The following CHIA variants were observed in gnomAD, a reference collection of about 807,000 sequenced individuals.
CHIA encodes the protein chitinase acidic.
In CHIA, 47 loss-of-function variants were observed where a neutral mutation model predicts 53.5. The ratio of observed to expected loss-of-function variants is 0.88; its 90% confidence interval spans 0.70 to 1.12. The LOEUF (loss-of-function observed/expected upper bound fraction) is 1.12, where lower values mean the gene tolerates loss of function less well. Ranked by LOEUF, CHIA falls within the 50% of genes most tolerant of loss-of-function variation. The pLI is 0.00. For synonymous variants in CHIA, 268 were observed against 222.2 expected, an observed-to-expected ratio of 1.21 and a Z score of -1.83; for missense variants, 652 against 592.2, an observed-to-expected ratio of 1.10 and a Z score of -1.05.
chr1:111,318,246 T>C, intron 8 of CHIA, 137 bp downstream of exon 8: 1 of 1,013,094 alleles, frequency 9.9e-7, no homozygotes, highest in Non-Finnish European at 1.4e-6. Context: ...TTAAATATTC[T>C]CATTTAATTT....
At chr1:111,302,034 C>A (rs1294107225) in intron 1 of CHIA, among the ~76,000 whole-genome samples, 1 of 151,930 alleles carries the variant, frequency 6.6e-6, no homozygotes, top group Non-Finnish European at 1.5e-5. Context: ...GCACATGTAC[C>A]CTAGAACTTA....
intron 6 of CHIA, chr1:111,316,684 G>A (rs540028642): frequency 1.3e-5 from 2 of 152,296 alleles, no homozygotes; most frequent in African/African-American, 4.8e-5. Context: ...GTAGGCATCA[G>A]ATAAATATCA....
At chr1:111,296,642 T>C (rs1661356803) in intron 1 of CHIA, among the ~76,000 whole-genome samples, 1 of 152,144 alleles carries the variant, frequency 6.6e-6, no homozygotes, top group African/African-American at 2.4e-5. Context: ...AGCTGAAAAT[T>C]CTAAAATCCA....
intron 1 of CHIA, among the ~76,000 whole-genome samples, chr1:111,303,633 C>T (rs944345859): frequency 2.6e-5 from 4 of 152,126 alleles, no homozygotes; most frequent in African/African-American, 9.7e-5. Flanking sequence ...TGCTCTTTTA[C>T]AGCCCCATTC....
intron 1 of CHIA, among the ~76,000 whole-genome samples, chr1:111,291,584 G>A (rs546396672): frequency 2.6e-5 from 4 of 151,984 alleles, no homozygotes; most frequent in South Asian, 2.1e-4. Context: ...CCTAGATGAC[G>A]GGTTGATAGG....
chr1:111,293,994 A>G (rs557240180), intron 1 of CHIA, among the ~76,000 whole-genome samples: 2 of 152,276 alleles, frequency 1.3e-5, no homozygotes, highest in Non-Finnish European at 2.9e-5. Flanking sequence ...AGGTGGGAGG[A>G]TTGCTCGAGC....
Position 111,293,568 on chromosome 1 carries a change from T to C in CHIA, c.-69+2618T>C, listed in dbSNP as rs185756894. 6.0e-4 allele frequency among the ~76,000 whole-genome samples: 92 copies of C among 152,354 alleles called. 1 individual carries two copies. Among genetic ancestry groups the C allele is most frequent in the Admixed American group, 2.7e-3 (42 of 15,302 alleles). On this transcript the variant is annotated intron_variant, in intron 1 of 11. Transcript: ENST00000369740. ...TTACTCTGTTTGCATTGTCTTTTGA[T>C]ATACAAACATTTAAAATATTCATGA...
At chr1:111,317,952 T>A in intron 7 of CHIA, 34 bp from the exon 8 acceptor site, 1 of 1,613,754 alleles carries the variant, frequency 6.2e-7, no homozygotes, top group Non-Finnish European at 8.5e-7. Flanking sequence ...GAAATGACCA[T>A]CAGAATGATT....
intron 1 of CHIA, among the ~76,000 whole-genome samples, chr1:111,292,722 C>T (rs933987089): frequency 3.3e-5 from 5 of 152,082 alleles, no homozygotes; most frequent in African/African-American, 1.2e-4. Flanking sequence ...CAGCTCTATA[C>T]TCATTAACCT....
At chr1:111,313,732 CT>C (rs1185870953) in intron 4 of CHIA, among the ~76,000 whole-genome samples, 1 of 151,642 alleles carries the variant, frequency 6.6e-6, no homozygotes, top group African/African-American at 2.4e-5. Context: ...GCTCTTGGAG[CT>C]TTTTTTTAAG....
intron 1 of CHIA, among the ~76,000 whole-genome samples, chr1:111,301,934 C>T (rs12755026): frequency 0.28 from 42,325 of 151,900 alleles, 6,190 homozygotes; most frequent in East Asian, 0.36. Flanking sequence ...GGGATAGCAT[C>T]AGGAGAAATA....
intron 1 of CHIA, among the ~76,000 whole-genome samples, chr1:111,308,144 G>A (rs569294840): frequency 2.0e-5 from 3 of 152,186 alleles, no homozygotes; most frequent in African/African-American, 2.4e-5. Flanking sequence ...AGTTTGCTGG[G>A]GCTCTTAAGG....
intron 1 of CHIA, among the ~76,000 whole-genome samples, chr1:111,293,885 G>A (rs771487678): frequency 6.6e-6 from 1 of 152,134 alleles, no homozygotes; most frequent in Non-Finnish European, 1.5e-5. Flanking sequence ...TTTGAGACCA[G>A]CTTGGGCAAC....
intron 1 of CHIA, among the ~76,000 whole-genome samples, chr1:111,303,402 C>T (rs529485888): frequency 2.2e-4 from 34 of 152,032 alleles, no homozygotes; most frequent in South Asian, 1.0e-3. Context: ...ATTTCTTTCT[C>T]GTTTCCTTAT....
intron 1 of CHIA, among the ~76,000 whole-genome samples, chr1:111,296,364 C>T (rs1465386598): frequency 6.6e-6 from 1 of 152,184 alleles, no homozygotes; most frequent in African/African-American, 2.4e-5. Context: ...AAGGATCAGG[C>T]AGCAATATTT....
chr1:111,293,722 C>G (rs1661167746), intron 1 of CHIA, among the ~76,000 whole-genome samples: 2 of 152,188 alleles, frequency 1.3e-5, no homozygotes, highest in African/African-American at 4.8e-5. Context: ...ACTTTTACAT[C>G]TTACATTTAG....
At chr1:111,310,754 G>T (rs12131907) in intron 2 of CHIA, among the ~76,000 whole-genome samples, 1 of 151,986 alleles carries the variant, frequency 6.6e-6, no homozygotes, top group Admixed American at 6.6e-5. Context: ...TTCTCCTAGT[G>T]CTAGTCTTAC....
intron 2 of CHIA, among the ~76,000 whole-genome samples, chr1:111,311,366 G>A (rs1477586011): frequency 6.6e-6 from 1 of 152,176 alleles, no homozygotes; most frequent in Non-Finnish European, 1.5e-5. Flanking sequence ...AAGAACGAAT[G>A]GATGTGTCAT....
intron 2 of CHIA, 152 bp downstream of exon 2, chr1:111,310,644 A>G (rs1490225088): frequency 5.8e-5 from 85 of 1,459,050 alleles, no homozygotes; most frequent in Non-Finnish European, 7.6e-5. Flanking sequence ...CTTGTTATAT[A>G]CAAATCAGTC....
Sources: allele counts gnomAD v4.1 joint callset (sites outside exome capture counted in the v4.1 genomes callset), GRCh38; gene constraint gnomAD v4.1.1; transcripts MANE v1.5; gene names NCBI Gene and HGNC (gene_info 2026-07-23, HGNC 2026-07-21).